The following NRG3 variants were observed in gnomAD, a reference collection of about 807,000 sequenced individuals.
NRG3 encodes neuregulin 3.
NRG3 carries 31 observed loss-of-function variants against 66.9 expected under a neutral mutation model. The ratio of observed to expected loss-of-function variants is 0.46; its 90% CI spans 0.35 to 0.63. The LOEUF is 0.63. Among genes scored for constraint, NRG3 ranks in the 20% least tolerant of loss-of-function variants. NRG3 has a pLI of 0.00. For synonymous variants in NRG3, 393 were observed against 359.4 expected (o/e 1.09, Z -1.06); for missense variants, 910 against 878.9 (o/e 1.04, Z -0.45).
chr10:82,073,200 A>C (rs574933985), intron 1 of NRG3, among the ~76,000 whole-genome samples: 1 of 152,308 alleles, frequency 6.6e-6, no homozygotes, highest in South Asian at 2.1e-4. Context: ...TAATGTGTAC[A>C]AGTGACAACA....
chr10:82,382,143 A>G (rs2085658851), intron 2 of NRG3, among the ~76,000 whole-genome samples: 1 of 152,100 alleles, frequency 6.6e-6, no homozygotes, highest in Non-Finnish European at 1.5e-5. Flanking sequence ...TTATAGAAAT[A>G]CAATTTTATT....
intron 2 of NRG3, among the ~76,000 whole-genome samples, chr10:82,561,254 G>A (rs893485615): frequency 6.6e-6 from 1 of 152,138 alleles, no homozygotes; most frequent in Non-Finnish European, 1.5e-5. Context: ...ACCTTCCACC[G>A]TAAATGGCCT....
intron 3 of NRG3, among the ~76,000 whole-genome samples, chr10:82,822,839 C>A (rs914443100): frequency 6.6e-6 from 1 of 151,854 alleles, no homozygotes; most frequent in African/African-American, 2.4e-5. Flanking sequence ...CTGCAAGTGG[C>A]CACTAAGGGG....
chr10:82,865,426 T>C lies in NRG3; in HGVS notation c.1043T>C (p.Ile348Thr). 2.5e-6 allele frequency: 4 copies of C among 1,613,026 alleles called. No individual in the cohort carries two copies. The highest frequency in any genetic ancestry group is 3.4e-6 in the Non-Finnish European group (4 of 1,179,358). The change falls in exon 4 of 9, where the codon ATT becomes ACT. Residue 348 changes from isoleucine to threonine, a missense_variant. Transcript: ENST00000372141. ...TTTGGTGTAGCAGACCACTTGGGGATTGAATTCATGGGTAAGACTAAACAA... is the reference window on the plus strand; with the variant it reads ...TTTGGTGTAGCAGACCACTTGGGGACTGAATTCATGGGTAAGACTAAACAA... The part of the protein sequence containing the change: ...ILSDPTDHLG[I>T]EFMESEEVYQ...
intron 2 of NRG3, among the ~76,000 whole-genome samples, chr10:82,537,726 A>T (rs2043257567): frequency 6.6e-6 from 1 of 152,134 alleles, no homozygotes; most frequent in African/African-American, 2.4e-5. Context: ...TTATACCTTC[A>T]ATTTTTGTTT....
intron 3 of NRG3, among the ~76,000 whole-genome samples, chr10:82,807,433 G>A (rs994161504): frequency 3.3e-5 from 5 of 152,212 alleles, no homozygotes; most frequent in African/African-American, 1.2e-4. Context: ...AACGGGGTGT[G>A]TGGAGTGTTG....
chr10:82,759,300 A>G (rs1005706869), intron 3 of NRG3, among the ~76,000 whole-genome samples: 1 of 152,104 alleles, frequency 6.6e-6, no homozygotes, highest in Non-Finnish European at 1.5e-5. Context: ...CAGCTGATAC[A>G]TGCTGAGAGT....
chr10:82,809,401 AAAC>A (rs1286085133), intron 3 of NRG3, among the ~76,000 whole-genome samples: 24 of 151,992 alleles, frequency 1.6e-4, no homozygotes, highest in South Asian at 4.2e-4. Context: ...AATGTGAAAA[AAAC>A]AACATTAGTA....
At chr10:82,148,878 C>A (rs2070464635) in intron 1 of NRG3, among the ~76,000 whole-genome samples, 1 of 152,102 alleles carries the variant, frequency 6.6e-6, no homozygotes, top group East Asian at 2.0e-4. Context: ...TTCTTGCTTG[C>A]CTGTCCTGCT....
chr10:82,427,989 A>G (rs1243969167), intron 2 of NRG3, among the ~76,000 whole-genome samples: 1 of 151,994 alleles, frequency 6.6e-6, no homozygotes, highest in African/African-American at 2.4e-5. Flanking sequence ...TTAATTTGCT[A>G]ACAACAGTTG....
intron 3 of NRG3, 28 bp from the exon 4 acceptor site, chr10:82,865,383 C>A: frequency 6.2e-7 from 1 of 1,611,780 alleles, no homozygotes. Context: ...TTTCTCTTCC[C>A]CTTCCTTCCA....
chr10:82,033,662 T>G (rs754187705), intron 1 of NRG3, among the ~76,000 whole-genome samples: 38 of 152,136 alleles, frequency 2.5e-4, no homozygotes, highest in Non-Finnish European at 4.9e-4. Flanking sequence ...GATGGATGTA[T>G]GCTTGTGTCA....
intron 3 of NRG3, among the ~76,000 whole-genome samples, chr10:82,799,302 C>A (rs1015275222): frequency 2.0e-5 from 3 of 151,898 alleles, no homozygotes; most frequent in Non-Finnish European, 2.9e-5. Context: ...CCAAGGCGGG[C>A]GGATCACCGA....
intron 1 of NRG3, among the ~76,000 whole-genome samples, chr10:82,130,777 T>G (rs1001281351): frequency 2.0e-5 from 3 of 152,176 alleles, no homozygotes; most frequent in African/African-American, 7.2e-5. Flanking sequence ...TGATTTGCAT[T>G]TCTCTGGTGA....
rs554723019 is a variant in NRG3, at chr10:82,836,576, C to CT, written c.1028-28827dup. Among the ~76,000 whole-genome samples, 8 of 151,746 alleles carry CT rather than the reference C, an allele frequency of 5.3e-5. No individual in the cohort carries two copies. In the South Asian group the frequency reaches 1.5e-3, roughly 28 times the overall value. ...CTTTAGCGTTGACCATTGTTATTTTCTTTTTTTTAATTATTTCTATAGCAT... is the reference window on the plus strand; with the variant it reads ...CTTTAGCGTTGACCATTGTTATTTTCTTTTTTTTTAATTATTTCTATAGCAT... On this transcript the variant is annotated intron_variant, in intron 3 of 8. Transcript: ENST00000372141.
chr10:81,878,340 T>G (rs537754438), intron 1 of NRG3, among the ~76,000 whole-genome samples: 3 of 152,338 alleles, frequency 2.0e-5, no homozygotes, highest in Admixed American at 2.0e-4. Flanking sequence ...AATACAAGTA[T>G]GCAAAATCCA....
At chr10:82,804,607 C>T (rs1207614074) in intron 3 of NRG3, among the ~76,000 whole-genome samples, 2 of 152,174 alleles carry the variant, frequency 1.3e-5, no homozygotes, top group Non-Finnish European at 2.9e-5. Flanking sequence ...TTATCTTCTT[C>T]AGGCCTTGGA....
intron 2 of NRG3, among the ~76,000 whole-genome samples, chr10:82,555,214 CA>C (rs2044574912): frequency 6.6e-6 from 1 of 152,162 alleles, no homozygotes; most frequent in South Asian, 2.1e-4. Context: ...CTCTGGTCTA[CA>C]ATTATAATCA....
intron 1 of NRG3, among the ~76,000 whole-genome samples, chr10:82,023,364 A>T (rs571446434): frequency 6.6e-6 from 1 of 151,940 alleles, no homozygotes; most frequent in East Asian, 1.9e-4. Flanking sequence ...CCCTTGCCCA[A>T]TTGTGCTGGC....
Sources: allele counts gnomAD v4.1 joint callset (sites outside exome capture counted in the v4.1 genomes callset), GRCh38; gene constraint gnomAD v4.1.1; transcripts MANE v1.5; gene names NCBI Gene and HGNC (gene_info 2026-07-23, HGNC 2026-07-21).